Variants in VPS16 observed in about 807,000 individuals in gnomAD.
The protein encoded by VPS16 is VPS16 core subunit of CORVET and HOPS complexes, also known as vacuolar protein sorting-associated protein 16 homolog.
In VPS16, 82 loss-of-function variants were observed where a neutral mutation model predicts 116.0. That is an observed-to-expected ratio of 0.71 (90% CI 0.59 to 0.85). The LOEUF is 0.85. VPS16 is among the 40% of genes least tolerant of loss of function. The probability of loss-of-function intolerance (pLI) is 0.00; values close to 1 mark genes in which losing one functional copy is unlikely to be tolerated. For missense variants in VPS16, 928 were observed against 1,090.6 expected (o/e 0.85, Z 2.10); for synonymous variants, 406 against 420.7 (o/e 0.96, Z 0.43).
At chr20:2,854,399 A>C (rs367626797) in intron 1 of VPS16, among the ~76,000 whole-genome samples, 3 of 152,048 alleles carry the variant, frequency 2.0e-5, no homozygotes, top group Non-Finnish European at 4.4e-5. Context: ...ACTGCACTCC[A>C]TCCTGGGCAA....
chr20:2,857,334 G>T (rs576000729), intron 1 of VPS16, among the ~76,000 whole-genome samples: 1 of 152,126 alleles, frequency 6.6e-6, no homozygotes, highest in Non-Finnish European at 1.5e-5. Context: ...CAGATAATTG[G>T]CAGAAGGTGT....
rs1191000139 is a variant in VPS16 at position 2,864,613 on chromosome 20, T to C, written c.1885T>C (p.Leu629=). 6 of 1,614,082 alleles carry C rather than the reference T, an allele frequency of 3.7e-6. No homozygotes were observed. Among genetic ancestry groups the C allele is most frequent in the Non-Finnish European group, 5.1e-6 (6 of 1,180,026 alleles). ...LYNQDDNHQE[L]GSFHIRASYA... Reference sequence around the variant, plus strand: ...CAATCAGGATGACAATCACCAGGAATTGGGCAGCTTCCACATCCGAGCCAG... The same window carrying C: ...CAATCAGGATGACAATCACCAGGAACTGGGCAGCTTCCACATCCGAGCCAG... Residue 629 remains leucine (L), a synonymous_variant, in exon 19 of 24, where the codon TTG becomes CTG. Transcript: ENST00000380445. This position sits in a 1 kb window ranked among gnomAD's most constrained non-coding sequence, Gnocchi z 5.2.
At chr20:2,848,538 G>C (rs1422123469) in intron 1 of VPS16, among the ~76,000 whole-genome samples, 3 of 152,226 alleles carry the variant, frequency 2.0e-5, no homozygotes, top group Non-Finnish European at 4.4e-5. Flanking sequence ...AAAAGCCTAG[G>C]CTGCATCTTA....
chr20:2,863,172 A>G lies in VPS16; in HGVS notation c.1367+72A>G. ...GCATTACAGCCTTGGGTGGGGTCTT[A>G]TGGTCACTGCTCCTGACCTATCTAG... On this transcript the variant is annotated intron_variant, in intron 14 of 23. Coordinates refer to ENST00000380445, the MANE Select transcript of VPS16 (RefSeq NM_022575.4). This position sits in a 1 kb window ranked among gnomAD's most constrained non-coding sequence, Gnocchi z 4.4. 1 of 1,612,456 alleles carries G rather than the reference A, an allele frequency of 6.2e-7. No individual in the cohort carries two copies. Among genetic ancestry groups the G allele is most frequent in the Non-Finnish European group, 8.5e-7 (1 of 1,179,064 alleles).
rs76084689 is a variant in VPS16, at chr20:2,866,682, G to C, written c.*108G>C. On this transcript the variant is annotated 3_prime_UTR_variant, in exon 24 of 24. Coordinates refer to ENST00000380445, the MANE Select transcript of VPS16 (RefSeq NM_022575.4). ...CTCCCCTAGAGCAATGCTGAGGAGCGGGGGCATGGTAGCAGGGCTGTCTGG... is the reference window on the plus strand; with the variant it reads ...CTCCCCTAGAGCAATGCTGAGGAGCCGGGGCATGGTAGCAGGGCTGTCTGG... The C allele has an allele frequency of 1.3e-6, 2 of 1,490,140 alleles. No homozygotes were observed. The highest frequency in any genetic ancestry group is 4.5e-5 in the East Asian group (2 of 43,990). 92.3% of individuals were successfully genotyped at this position (1,490,140 alleles called of 1,614,324 possible).
rs1422519039 is a variant in VPS16 at position 2,864,631 on chromosome 20, C to T, written c.1903C>T (p.Arg635Ter). 1.2e-6 allele frequency: 2 copies of T among 1,613,956 alleles called. No homozygotes were observed. Among genetic ancestry groups the T allele is most frequent in the African/African-American group, 1.3e-5 (1 of 74,892 alleles). Residue 635 changes from arginine to a stop codon, truncating the protein, a stop_gained, in exon 19 of 24, where the codon CGA (arginine) becomes TGA (stop). Transcript: ENST00000380445. LOFTEE classifies it high-confidence loss of function. The surrounding 1 kb of genome is among the most constrained non-coding windows in gnomAD (Gnocchi z 5.2). ...NHQELGSFHI[R>*]ASYAAEERIE... ...CCAGGAATTGGGCAGCTTCCACATC[C>T]GAGCCAGCTATGCTGCAGAAGAGGT...
chr20:2,855,016 A>T (rs2089159468), intron 1 of VPS16, among the ~76,000 whole-genome samples: 2 of 126,880 alleles, frequency 1.6e-5, no homozygotes, highest in Non-Finnish European at 3.1e-5. Context: ...GCTGGAGTGC[A>T]GTGGTGCAAT....
At chr20:2,844,296 C>T (rs1181892070) in intron 1 of VPS16, among the ~76,000 whole-genome samples, 1 of 152,196 alleles carries the variant, frequency 6.6e-6, no homozygotes, top group Non-Finnish European at 1.5e-5. Flanking sequence ...AATGATAAAA[C>T]AGGTGGCAGA....
At chr20:2,846,428 C>T (rs2089060862) in intron 1 of VPS16, among the ~76,000 whole-genome samples, 1 of 152,106 alleles carries the variant, frequency 6.6e-6, no homozygotes, top group African/African-American at 2.4e-5. Flanking sequence ...CTGTACTCCG[C>T]TTTTAATTAT....
chr20:2,863,343 G>A lies in VPS16; in HGVS notation c.1421G>A (p.Arg474His), dbSNP rs141226767. The A allele has an allele frequency of 1.5e-4, 240 of 1,614,198 alleles. No homozygotes were observed. Among genetic ancestry groups the A allele is most frequent in the Admixed American group, 2.7e-4 (16 of 60,018 alleles). Residue 474 changes from arginine to histidine, a missense_variant, in exon 15 of 24, where the codon CGC becomes CAC. Physicochemically the swap from Arg to His is conservative, Grantham distance 29. Coordinates refer to ENST00000380445, the MANE Select transcript of VPS16 (RefSeq NM_022575.4). This position sits in a 1 kb window ranked among gnomAD's most constrained non-coding sequence, Gnocchi z 4.4. ...PLAIQICEYL[R>H]LPEVQGVSRI... is the part of the protein sequence containing the mutation. Reference sequence around the variant, plus strand: ...GCCATCCAGATATGCGAGTACTTGCGCCTTCCTGAAGTACAGGGCGTCAGC... The same window carrying A: ...GCCATCCAGATATGCGAGTACTTGCACCTTCCTGAAGTACAGGGCGTCAGC...
At position 2,863,184 on chromosome 20, in the gene VPS16, C is replaced by T. The variant is rs2089259863; in HGVS notation, c.1367+84C>T. 6.2e-7 allele frequency: 1 copy of T among 1,610,268 alleles called. No homozygotes were observed. Among genetic ancestry groups the T allele is most frequent in the African/African-American group, 1.3e-5 (1 of 74,780 alleles). Reference sequence around the variant, plus strand: ...TGGGTGGGGTCTTATGGTCACTGCTCCTGACCTATCTAGGATGTGGGAGGC... The same window carrying T: ...TGGGTGGGGTCTTATGGTCACTGCTTCTGACCTATCTAGGATGTGGGAGGC... On this transcript the variant is annotated intron_variant, in intron 14 of 23. Coordinates refer to ENST00000380445, the MANE Select transcript of VPS16 (RefSeq NM_022575.4). This position sits in a 1 kb window ranked among gnomAD's most constrained non-coding sequence, Gnocchi z 4.4.
chr20:2,854,443 A>G (rs2089152276), intron 1 of VPS16, among the ~76,000 whole-genome samples: 1 of 151,972 alleles, frequency 6.6e-6, no homozygotes, highest in African/African-American at 2.4e-5. Context: ...AAAACAAAAC[A>G]AAACAAAACA....
At chr20:2,845,264 G>T (rs187288655) in intron 1 of VPS16, among the ~76,000 whole-genome samples, 1 of 152,036 alleles carries the variant, frequency 6.6e-6, no homozygotes, top group Admixed American at 6.6e-5. Flanking sequence ...GGGGAGGAAG[G>T]AGAGCAAGGA....
At position 2,865,119 on chromosome 20, in the gene VPS16, C is replaced by G; in HGVS notation, c.2005-29C>G. 6.2e-7 allele frequency: 1 copy of G among 1,614,120 alleles called. No individual in the cohort carries two copies. Among genetic ancestry groups the G allele is most frequent in the Non-Finnish European group, 8.5e-7 (1 of 1,179,994 alleles). The stretch of plus-strand genomic sequence containing the variant: ...GGTCTTCCCTCCTGGTCCCTCATCC[C>G]CATCATGCCTCATTATCCGGGTCCC... On this transcript the variant is annotated intron_variant, in intron 20 of 23. Coordinates refer to ENST00000380445, the MANE Select transcript of VPS16 (RefSeq NM_022575.4). The surrounding 1 kb of genome is among the most constrained non-coding windows in gnomAD (Gnocchi z 5.2).
chr20:2,854,795 CA>C (rs200987248), intron 1 of VPS16, among the ~76,000 whole-genome samples: 69 of 130,838 alleles, frequency 5.3e-4, no homozygotes, highest in Non-Finnish European at 4.6e-4. Flanking sequence ...GACTCCATCT[CA>C]AAAAAAAAAA....
In VPS16 at chr20:2,865,328, G is replaced by T. The variant is rs200348787; in HGVS notation, c.2174+11G>T. 4,146 of 1,614,122 alleles carry T rather than the reference G, an allele frequency of 2.6e-3. 8 individuals carry two copies. The highest frequency in any genetic ancestry group is 3.3e-3 in the Non-Finnish European group (3,853 of 1,179,998). ...CATCCCTGACAAGAGGTAGGTGAGG[G>T]CCCAGGCTGCATGTGGGTCCCAGGA... On this transcript the variant is annotated intron_variant, in intron 21 of 23. Transcript: ENST00000380445. This position sits in a 1 kb window ranked among gnomAD's most constrained non-coding sequence, Gnocchi z 5.2.
At chr20:2,851,657 C>T (rs1325307385) in intron 1 of VPS16, among the ~76,000 whole-genome samples, 3 of 144,052 alleles carry the variant, frequency 2.1e-5, no homozygotes, top group African/African-American at 8.1e-5. Context: ...AGCAAAACTC[C>T]GTCTCAAAAA....
chr20:2,857,983 C>T (rs1008309033), intron 1 of VPS16, among the ~76,000 whole-genome samples: 1 of 151,992 alleles, frequency 6.6e-6, no homozygotes, highest in African/African-American at 2.4e-5. Context: ...GTTGTATTTC[C>T]AATCGATTCT....
chr20:2,863,442 G>A lies in VPS16; in HGVS notation c.1476+44G>A. The A allele has an allele frequency of 1.3e-6, 2 of 1,589,156 alleles. No homozygotes were observed. Among genetic ancestry groups the A allele is most frequent in the Non-Finnish European group, 1.7e-6 (2 of 1,158,000 alleles). ...GTCCAAGGGCATTTAGAGGATTCCA[G>A]GCCCTGGTGAGGTGGAGGAAATAGA... On this transcript the variant is annotated intron_variant, in intron 15 of 23. Coordinates refer to ENST00000380445, the MANE Select transcript of VPS16 (RefSeq NM_022575.4). The surrounding 1 kb of genome is among the most constrained non-coding windows in gnomAD (Gnocchi z 4.4).
Sources: gnomAD v4.1 joint callset for allele counts (sites outside exome capture counted in the v4.1 genomes callset) on GRCh38, gnomAD v4.1.1 for gene constraint, Gnocchi (gnomAD v3.1) non-coding constraint, MANE v1.5 for transcripts, NCBI Gene and HGNC (gene_info 2026-07-23, HGNC 2026-07-21) for gene names.